PFKM: variants seen among roughly 807,000 people sequenced by gnomAD.
PFKM encodes phosphofructokinase, muscle, also known as ATP-dependent 6-phosphofructokinase, muscle type.
In PFKM, 58 loss-of-function variants were observed where a neutral mutation model predicts 95.5. That is an observed-to-expected ratio of 0.61 (90% confidence interval 0.49 to 0.76). The LOEUF (loss-of-function observed/expected upper bound fraction) is 0.76, where lower values mean the gene tolerates loss of function less well. Among genes scored for constraint, PFKM ranks in the 30% least tolerant of loss-of-function variants. The pLI is 0.00. For missense variants in PFKM, 678 were observed against 1,005.4 expected (o/e 0.67, Z 4.40); for synonymous variants, 336 against 357.2 (o/e 0.94, Z 0.67).
Position 48,122,796 on chromosome 12 carries a change from G to A in PFKM, c.22G>A (p.Ala8Thr), listed in dbSNP as rs777179581. The A allele has an allele frequency of 6.2e-7, 1 of 1,614,084 alleles. No individual in the cohort carries two copies. The highest frequency in any genetic ancestry group is 1.6e-4 in the Middle Eastern group (1 of 6,062). The change falls in exon 2 of 23, where the codon GCA becomes ACA. Residue 8 changes from alanine (A) to threonine (T), a missense_variant. Transcript: ENST00000359794. Reference protein sequence around the residue: MTHEEHHAAKTLGIGKAI... With the variant: MTHEEHHTAKTLGIGKAI... ...GATCATGACCCATGAAGAGCACCATGCAGCCAAAACCCTGGGGATTGGCAA... is the reference window on the plus strand; with the variant it reads ...GATCATGACCCATGAAGAGCACCATACAGCCAAAACCCTGGGGATTGGCAA...
upstream of PFKM, chr12:48,118,637 G>C (rs1947884893): frequency 6.5e-6 from 6 of 925,390 alleles, no homozygotes; most frequent in Non-Finnish European, 1.0e-5. Context: ...TTTTTCCAGA[G>C]TGGATCCTGT....
chr12:48,106,201 C>G (rs2137459394), intron 1 of PFKM: 2 of 675,178 alleles, frequency 3.0e-6, no homozygotes, highest in South Asian at 1.5e-5. Flanking sequence ...CAGTGGGGCG[C>G]CTGCGCGGTG....
At chr12:48,130,546 G>A in intron 3 of PFKM, 110 bp downstream of exon 3, 1 of 867,296 alleles carries the variant, frequency 1.2e-6, no homozygotes. Context: ...TTACATTGCT[G>A]TGTTTGATTT....
chr12:48,141,553 C>A, intron 15 of PFKM, 172 bp downstream of exon 15: 1 of 761,706 alleles, frequency 1.3e-6, no homozygotes, highest in Non-Finnish European at 2.3e-6. Context: ...TCTTTAGCAG[C>A]TCTGGCAACT....
chr12:48,118,726 G>C, upstream of PFKM: 9 of 612,308 alleles, frequency 1.5e-5, no homozygotes, highest in South Asian at 1.1e-4. Flanking sequence ...GGCTTGAGAA[G>C]TGGCCTCACA....
upstream of PFKM, among the ~76,000 whole-genome samples, chr12:48,115,790 C>A (rs997777907): frequency 1.3e-5 from 2 of 152,174 alleles, no homozygotes; most frequent in African/African-American, 4.8e-5. Flanking sequence ...CAAATTTTGA[C>A]ACTTTTTGTC....
In PFKM at chr12:48,141,803, C is replaced by T. The variant is rs200847712; in HGVS notation, c.1476C>T (p.Gly492=). 9.3e-6 allele frequency: 15 copies of T among 1,613,856 alleles called. No individual in the cohort carries two copies. In the Admixed American group the frequency reaches 2.3e-4, roughly 25 times the overall value. Residue 492 remains glycine, a synonymous_variant, in exon 16 of 23, where the codon GGC becomes GGT. Transcript: ENST00000359794. ...ATATAACTAAGTTTAACATTCAGGG[C>T]CTTGTCATCATTGGGGGCTTTGAGG... ...SANITKFNIQ[G]LVIIGGFEAY...
chr12:48,108,336 C>G, intron 3 of PFKM: 5 of 601,756 alleles, frequency 8.3e-6, no homozygotes, highest in Non-Finnish European at 1.3e-5. Context: ...GTGTGTGAAA[C>G]AGAGAGAGAG....
At chr12:48,129,243 T>TTTTG (rs1565877213) in intron 2 of PFKM, among the ~76,000 whole-genome samples, 4 of 96,178 alleles carry the variant, frequency 4.2e-5, no homozygotes, top group Non-Finnish European at 5.7e-5. Context: ...TTTTTTTTTT[T>TTTTG]ACAGATGGAG....
At chr12:48,131,964 C>T (rs1265526680) in intron 4 of PFKM, 10 of 454,900 alleles carry the variant, frequency 2.2e-5, no homozygotes, top group Non-Finnish European at 3.5e-5. Context: ...GAAATACAAT[C>T]ATTTGCTGGT....
intron 3 of PFKM, among the ~76,000 whole-genome samples, chr12:48,110,341 A>G (rs1947072167): frequency 6.6e-6 from 1 of 152,112 alleles, no homozygotes; most frequent in South Asian, 2.1e-4. Context: ...GACACTTTTG[A>G]GCTCTGGGAA....
In PFKM at chr12:48,133,606, G is replaced by C. The variant is rs1949752141; in HGVS notation, c.593+126G>C. The C allele has an allele frequency of 8.5e-6, 7 of 820,830 alleles. No homozygotes were observed. The East Asian group carries it at 1.8e-4, about 21-fold the overall frequency. The allele number at this position is 820,830 out of a possible 1,614,324, so 50.8% of individuals were successfully genotyped here. The stretch of plus-strand genomic sequence containing the variant: ...TATAATGGCCAGTTTTCTGGGGCTA[G>C]AACACTATTTTTAACGAAAAATTAT... On this transcript the variant is annotated intron_variant, in intron 6 of 22. Coordinates refer to ENST00000359794, the MANE Select transcript of PFKM (RefSeq NM_000289.6).
intron 3 of PFKM, chr12:48,108,238 G>T: frequency 6.3e-7 from 1 of 1,576,136 alleles, no homozygotes; most frequent in South Asian, 1.1e-5. Context: ...AAAGGAATAT[G>T]GGAAAGTGAA....
chr12:48,136,692 CTTTTTTT>C (rs1166389532), intron 10 of PFKM, among the ~76,000 whole-genome samples: 1 of 63,022 alleles, frequency 1.6e-5, no homozygotes, highest in East Asian at 4.7e-4. Context: ...GGGGTCGTCA[CTTTTTTT>C]TTTTTTTTTT....
chr12:48,106,706 G>GCAAACAAA (rs60225572), intron 1 of PFKM, among the ~76,000 whole-genome samples: 2,857 of 151,134 alleles, frequency 0.019, 94 homozygotes, highest in African/African-American at 0.063. Flanking sequence ...CATTCAGCAA[G>GCAAACAAA]CAAACAAACA....
chr12:48,127,898 G>T (rs985256963), intron 2 of PFKM, among the ~76,000 whole-genome samples: 20 of 152,142 alleles, frequency 1.3e-4, no homozygotes, highest in Non-Finnish European at 2.9e-4. Context: ...GGGGTTCCTG[G>T]ATTCCCTGAA....
At chr12:48,110,308 T>C (rs140999850) in intron 3 of PFKM, among the ~76,000 whole-genome samples, 5 of 152,284 alleles carry the variant, frequency 3.3e-5, no homozygotes, top group Non-Finnish European at 7.4e-5. Context: ...AGCCAGATTG[T>C]GCAGTGCCTT....
At chr12:48,107,548 A>G in intron 2 of PFKM, 1 of 830,656 alleles carries the variant, frequency 1.2e-6, no homozygotes. Context: ...TAGTGTAAAT[A>G]CGGATTTTAG....
chr12:48,114,449 G>A (rs565029763), upstream of PFKM, among the ~76,000 whole-genome samples: 4 of 152,286 alleles, frequency 2.6e-5, no homozygotes, highest in Admixed American at 6.5e-5. Flanking sequence ...ACTGTAAACC[G>A]GACCGGGTGT....
Sources: gnomAD v4.1 joint callset for allele counts (sites outside exome capture counted in the v4.1 genomes callset) on GRCh38, gnomAD v4.1.1 for gene constraint, MANE v1.5 for transcripts, NCBI Gene and HGNC (gene_info 2026-07-23, HGNC 2026-07-21) for gene names.